KIAA0825: variants seen among roughly 807,000 people sequenced by gnomAD.
The protein encoded by KIAA0825 is KIAA0825, also known as uncharacterized protein KIAA0825.
A neutral mutation model predicts 147.6 loss-of-function variants in KIAA0825; 119 were observed. The ratio of observed to expected loss-of-function variants is 0.81; its 90% CI spans 0.69 to 0.94. The LOEUF (loss-of-function observed/expected upper bound fraction) is 0.94, where lower values mean the gene tolerates loss of function less well. Among genes scored for constraint, KIAA0825 ranks in the 40% least tolerant of loss-of-function variants. KIAA0825 has a pLI of 0.00. For missense variants in KIAA0825, 1,381 were observed against 1,472.7 expected (o/e 0.94, Z 1.02); for synonymous variants, 470 against 518.1 (o/e 0.91, Z 1.26).
chr5:94,546,881 A>G (rs1361061085), intron 2 of KIAA0825, among the ~76,000 whole-genome samples: 1 of 151,870 alleles, frequency 6.6e-6, no homozygotes, highest in Non-Finnish European at 1.5e-5. Context: ...AAGGCACCAG[A>G]GACCAATCCT....
At chr5:94,224,091 T>C (rs866751901) in intron 20 of KIAA0825, among the ~76,000 whole-genome samples, 16 of 119,812 alleles carry the variant, frequency 1.3e-4, no homozygotes, top group African/African-American at 5.1e-4. Context: ...TCTTTTTTTT[T>C]TTTTTTTTTT....
chr5:94,186,254 A>C (rs970768014), intron 20 of KIAA0825, among the ~76,000 whole-genome samples: 2 of 152,334 alleles, frequency 1.3e-5, no homozygotes, highest in African/African-American at 4.8e-5. Context: ...TTTGCATATA[A>C]GTTTAGTTTA....
chr5:94,196,302 C>T (rs1771123789), intron 20 of KIAA0825, among the ~76,000 whole-genome samples: 1 of 152,108 alleles, frequency 6.6e-6, no homozygotes, highest in Non-Finnish European at 1.5e-5. Flanking sequence ...ACAATGTAAT[C>T]CTAATCTTGA....
chr5:94,553,506 G>A (rs1775942969), intron 2 of KIAA0825, among the ~76,000 whole-genome samples: 1 of 150,916 alleles, frequency 6.6e-6, no homozygotes, highest in South Asian at 2.1e-4. Context: ...GCTCATGCCT[G>A]TAATCCCCAG....
intron 20 of KIAA0825, among the ~76,000 whole-genome samples, chr5:94,244,597 A>G (rs1451405902): frequency 1.3e-5 from 2 of 152,090 alleles, no homozygotes; most frequent in East Asian, 1.9e-4. Context: ...TCAGCCTCCC[A>G]CATAGCTTGG....
intron 2 of KIAA0825, among the ~76,000 whole-genome samples, chr5:94,559,909 G>C (rs1160754235): frequency 1.3e-5 from 2 of 152,270 alleles, no homozygotes; most frequent in East Asian, 3.9e-4. Flanking sequence ...GCCCTGCAAA[G>C]CTGTCTTTTT....
chr5:94,473,479 T>A lies in KIAA0825; in HGVS notation c.1268A>T (p.Glu423Val), dbSNP rs1264065232. ...LDFGWRSAFK[E>V]VSLPMAHCVV... ...GCAGTGCGCCATGGGAAGAGACACT[T>A]CTTTAAATGCACTTCTCCAGCCAAA... Residue 423 changes from glutamate to valine, a missense_variant, in exon 8 of 21, where the codon GAA becomes GTA. By Grantham distance (121) the Glu-to-Val change is moderately radical. Coordinates refer to ENST00000682413, the MANE Select transcript of KIAA0825 (RefSeq NM_001145678.3). The A allele has an allele frequency of 6.4e-7, 1 of 1,551,730 alleles. No individual in the cohort carries two copies. The highest frequency in any genetic ancestry group is 2.0e-5 in the Admixed American group (1 of 51,008).
rs139934683 is a variant in KIAA0825, at chr5:94,351,656, A to G, written c.3710+32712T>C. Among the ~76,000 whole-genome samples the G allele has an allele frequency of 7.2e-5, 11 of 152,286 alleles. No individual in the cohort carries two copies. In the East Asian group the frequency reaches 2.1e-3, roughly 29 times the overall value. ...AAGCAAAACTAACCAAAAAGAACTA[A>G]TCTGGAGGCATCACACTACCTGATT... On this transcript the variant is annotated intron_variant, in intron 20 of 20. Coordinates refer to ENST00000682413, the MANE Select transcript of KIAA0825 (RefSeq NM_001145678.3).
At chr5:94,548,954 G>C (rs1774988605) in intron 2 of KIAA0825, among the ~76,000 whole-genome samples, 1 of 152,022 alleles carries the variant, frequency 6.6e-6, no homozygotes, top group South Asian at 2.1e-4. Flanking sequence ...TAGAGCTAAA[G>C]AGAGAGAGAG....
intron 20 of KIAA0825, among the ~76,000 whole-genome samples, chr5:94,244,391 G>A (rs558316273): frequency 2.0e-5 from 3 of 152,260 alleles, no homozygotes; most frequent in African/African-American, 7.2e-5. Flanking sequence ...GGAGTACAGT[G>A]CCATGATCAT....
At chr5:94,187,780 C>G (rs899834298) in intron 20 of KIAA0825, among the ~76,000 whole-genome samples, 19 of 152,088 alleles carry the variant, frequency 1.2e-4, no homozygotes, top group Admixed American at 9.8e-4. Context: ...AAATTCTGAA[C>G]TGGTAATATT....
chr5:94,222,346 G>C (rs1358780218), intron 20 of KIAA0825, among the ~76,000 whole-genome samples: 1 of 152,158 alleles, frequency 6.6e-6, no homozygotes, highest in Non-Finnish European at 1.5e-5. Context: ...AAGGAGAAAA[G>C]AAAAGAAGAG....
At chr5:94,254,002 G>A (rs1015444993) in intron 20 of KIAA0825, among the ~76,000 whole-genome samples, 12 of 152,068 alleles carry the variant, frequency 7.9e-5, no homozygotes, top group Admixed American at 5.2e-4. Flanking sequence ...CAAGAGACGC[G>A]TAAGAGCCGT....
intron 20 of KIAA0825, among the ~76,000 whole-genome samples, chr5:94,220,744 C>G (rs1462002238): frequency 3.3e-5 from 5 of 152,128 alleles, no homozygotes; most frequent in Non-Finnish European, 7.4e-5. Context: ...TCCTGTGAAT[C>G]CTGATTCAGA....
intron 20 of KIAA0825, among the ~76,000 whole-genome samples, chr5:94,161,448 AC>A (rs769651610): frequency 6.6e-6 from 1 of 152,088 alleles, no homozygotes; most frequent in Non-Finnish European, 1.5e-5. Context: ...TCTACAGCCC[AC>A]CTTTTTCATG....
Position 94,594,877 on chromosome 5 carries a change from T to G in KIAA0825, c.-152-12294A>C, listed in dbSNP as rs569092338. ...GTGGCCTGACTCAAATAAAAAATAGTAGATAAAAAAAAAAAAAAAGCTCCA... is the reference window on the plus strand; with the variant it reads ...GTGGCCTGACTCAAATAAAAAATAGGAGATAAAAAAAAAAAAAAAGCTCCA... On this transcript the variant is annotated intron_variant, in intron 1 of 20. Transcript: ENST00000682413. 1.4e-3 allele frequency: 353 copies of G among 246,960 alleles called. 3 individuals carry two copies. The highest frequency in any genetic ancestry group is 1.4e-3 in the Non-Finnish European group (177 of 125,888). The allele number at this position is 246,960 out of a possible 1,614,324, so 15.3% of individuals were successfully genotyped here. A position where few individuals can be genotyped will look rare whatever the true frequency, so the allele number is the denominator to read the frequency against.
chr5:94,538,124 T>C (rs1307004464), intron 2 of KIAA0825, among the ~76,000 whole-genome samples: 2 of 152,128 alleles, frequency 1.3e-5, no homozygotes, highest in African/African-American at 4.8e-5. Flanking sequence ...CCTCATGGAG[T>C]TTTTATTCTA....
At chr5:94,297,248 T>C (rs2150174789) in intron 20 of KIAA0825, among the ~76,000 whole-genome samples, 1 of 152,280 alleles carries the variant, frequency 6.6e-6, no homozygotes, top group Admixed American at 6.5e-5. Flanking sequence ...TATCTCTAAA[T>C]CCTGTACTAT....
chr5:94,189,278 A>T (rs937713179), intron 20 of KIAA0825, among the ~76,000 whole-genome samples: 2 of 152,132 alleles, frequency 1.3e-5, no homozygotes, highest in Admixed American at 1.3e-4. Flanking sequence ...ATGAGAGTCC[A>T]TTTTAACTTC....
Sources: gnomAD v4.1 joint callset for allele counts (sites outside exome capture counted in the v4.1 genomes callset) on GRCh38, gnomAD v4.1.1 for gene constraint, MANE v1.5 for transcripts, NCBI Gene and HGNC (gene_info 2026-07-23, HGNC 2026-07-21) for gene names.